Variants in SLC25A27 observed in about 807,000 individuals in gnomAD.
The protein encoded by SLC25A27 is solute carrier family 25 member 27, also known as mitochondrial uncoupling protein 4.
A neutral mutation model predicts 49.1 loss-of-function variants in SLC25A27; 35 were observed. The ratio of observed to expected loss-of-function variants is 0.71; its 90% CI spans 0.54 to 0.95. The LOEUF (loss-of-function observed/expected upper bound fraction) is 0.95. SLC25A27 is among the 40% of genes least tolerant of loss of function. The pLI is 0.00. For synonymous variants in SLC25A27, 144 were observed against 136.9 expected, an observed-to-expected ratio of 1.05 and a Z score of -0.36; for missense variants, 339 against 397.1, an observed-to-expected ratio of 0.85 and a Z score of 1.24.
intron 1 of SLC25A27, among the ~76,000 whole-genome samples, chr6:46,655,529 ATGTTTGTTTTTTTTTTTTTTTTTTT>A (rs1762942509): frequency 1.4e-4 from 5 of 35,750 alleles, no homozygotes; most frequent in East Asian, 1.2e-3. Context: ...TTTATTGTTA[ATGTTTGTTTTTTTTTTTTTTTTTTT>A]TTTTTTTTTT....
intron 7 of SLC25A27, 151 bp from the exon 8 acceptor site, chr6:46,670,975 C>T: frequency 7.8e-6 from 4 of 516,078 alleles, no homozygotes; most frequent in Non-Finnish European, 3.4e-6. Context: ...CATGATCTGC[C>T]TGCCTCGGCC....
At chr6:46,667,342 G>C (rs1463261727) in intron 5 of SLC25A27, among the ~76,000 whole-genome samples, 1 of 152,194 alleles carries the variant, frequency 6.6e-6, no homozygotes, top group Admixed American at 6.5e-5. Context: ...TGGGATTACT[G>C]CTCTGCCTTG....
Position 46,676,769 on chromosome 6 carries a change from T to C in SLC25A27, c.*315T>C. On this transcript the variant is annotated 3_prime_UTR_variant, in exon 9 of 9. Transcript: ENST00000371347. ...GTTTGGCCTTTGAGTTGCTATTCTA[T>C]GCTGAAGAGCCTGCTTAGAGGAGGA... 8.1e-7 allele frequency: 1 copy of C among 1,229,038 alleles called. No homozygotes were observed. The highest frequency in any genetic ancestry group is 1.2e-6 in the Non-Finnish European group (1 of 854,472). The allele number at this position is 1,229,038 out of a possible 1,614,324, so 76.1% of individuals were successfully genotyped here. A position where few individuals can be genotyped will look rare whatever the true frequency, so the allele number is the denominator to read the frequency against.
chr6:46,665,038 G>C, intron 5 of SLC25A27, 152 bp downstream of exon 5: 1 of 452,232 alleles, frequency 2.2e-6, no homozygotes, highest in South Asian at 5.3e-5. Context: ...GGTCATAACT[G>C]AATATTTTCC....
rs191779660 is a variant in SLC25A27, at chr6:46,670,941, A to T, written c.798-185A>T. On this transcript the variant is annotated intron_variant, in intron 7 of 8. Coordinates refer to ENST00000371347, the MANE Select transcript of SLC25A27 (RefSeq NM_004277.5). ...GAGATGGGGTTTCACCGTGTTAGCC[A>T]GGATGACCTCCATCTCCTGACCTCA... Among the ~76,000 whole-genome samples the T allele has an allele frequency of 6.6e-5, 10 of 152,276 alleles. No individual in the cohort carries two copies. The East Asian group carries it at 1.9e-3, about 29-fold the overall frequency.
At chr6:46,660,826 C>A (rs907396975) in intron 3 of SLC25A27, among the ~76,000 whole-genome samples, 3 of 152,122 alleles carry the variant, frequency 2.0e-5, no homozygotes, top group Admixed American at 1.3e-4. Flanking sequence ...ATTGCTTTCC[C>A]AGAGTCAATT....
In SLC25A27 at chr6:46,662,328, T is replaced by C; in HGVS notation, c.384-48T>C. On this transcript the variant is annotated intron_variant, in intron 3 of 8. Coordinates refer to ENST00000371347, the MANE Select transcript of SLC25A27 (RefSeq NM_004277.5). ...AGCTCAGTATTGGTTCACTATAAAA[T>C]TCGTGAAATTAATGGCAACTTTAAA... 1.9e-6 allele frequency: 3 copies of C among 1,581,560 alleles called. No homozygotes were observed. In the South Asian group the frequency reaches 3.3e-5, roughly 18 times the overall value.
chr6:46,665,650 T>TA (rs1763302456), intron 5 of SLC25A27, among the ~76,000 whole-genome samples: 2 of 151,892 alleles, frequency 1.3e-5, no homozygotes, highest in Admixed American at 1.3e-4. Flanking sequence ...CGCGCCACTG[T>TA]ACTCTAGACT....
intron 1 of SLC25A27, chr6:46,653,841 G>T (rs934521249): frequency 3.0e-6 from 3 of 985,156 alleles, no homozygotes; most frequent in African/African-American, 1.7e-5. Context: ...ATATATGATT[G>T]CTAAACCCAA....
rs1233662100 is a variant in SLC25A27, at chr6:46,678,029, A to ATT, written c.*1576_*1577dup. The ATT allele has an allele frequency of 9.2e-5, 4 of 43,520 alleles. No individual in the cohort carries two copies. Among genetic ancestry groups the ATT allele is most frequent in the African/African-American group, 3.7e-4 (4 of 10,688 alleles). 2.7% of individuals were successfully genotyped at this position (43,520 alleles called of 1,614,324 possible). On this transcript the variant is annotated 3_prime_UTR_variant, in exon 9 of 9. Coordinates refer to ENST00000371347, the MANE Select transcript of SLC25A27 (RefSeq NM_004277.5). ...TCAATATGTAATTGCGTTGTAAAAT[A>ATT]TTATATATATATATATATATATATA...
intron 7 of SLC25A27, 58 bp from the exon 8 acceptor site, chr6:46,671,068 T>A: frequency 8.7e-7 from 1 of 1,151,968 alleles, no homozygotes; most frequent in Non-Finnish European, 1.3e-6. Context: ...ACAATTTTTA[T>A]GTACATATAT....
Position 46,662,245 on chromosome 6 carries a change from T to TA in SLC25A27, c.384-130dup, listed in dbSNP as rs1222966905. On this transcript the variant is annotated intron_variant, in intron 3 of 8. Transcript: ENST00000371347. ...AAACTGTTTACTTTACTCTGTGACT[T>TA]ACTTGGGTATATCCTTTTCTTTACT... The TA allele has an allele frequency of 5.5e-6, 4 of 729,144 alleles. No homozygotes were observed. The East Asian group carries it at 1.1e-4, about 20-fold the overall frequency. 45.2% of individuals were successfully genotyped at this position (729,144 alleles called of 1,614,324 possible). A position where few individuals can be genotyped will look rare whatever the true frequency, so the allele number is the denominator to read the frequency against.
At chr6:46,660,238 G>GTGTGTGTGTGTGTC (rs1490175741) in intron 3 of SLC25A27, among the ~76,000 whole-genome samples, 2 of 151,832 alleles carry the variant, frequency 1.3e-5, no homozygotes, top group Non-Finnish European at 2.9e-5. Flanking sequence ...GTCTGTGTGT[G>GTGTGTGTGTGTGTC]TGTGTGTGTG....
rs75294503 is a variant in SLC25A27 at position 46,658,394 on chromosome 6, G to C, written c.299-568G>C. The C allele has an allele frequency of 8.9e-4, 266 of 299,188 alleles. 1 individual carries two copies. Among genetic ancestry groups the C allele is most frequent in the African/African-American group, 5.7e-3 (250 of 43,918 alleles). 18.5% of individuals were successfully genotyped at this position (299,188 alleles called of 1,614,324 possible). A position where few individuals can be genotyped will look rare whatever the true frequency, so the allele number is the denominator to read the frequency against. ...TATTATTTTGAGTTTCTTTTCATTT[G>C]TAGTTTGTTGTTCATTGTGTTGTTT... is the stretch of plus-strand genomic sequence containing the variant. On this transcript the variant is annotated intron_variant, in intron 2 of 8. Coordinates refer to ENST00000371347, the MANE Select transcript of SLC25A27 (RefSeq NM_004277.5).
rs193160039 is a variant in SLC25A27 at position 46,656,443 on chromosome 6, T to G, written c.298+409T>G. Among the ~76,000 whole-genome samples the G allele has an allele frequency of 7.2e-5, 11 of 152,058 alleles. No homozygotes were observed. In the East Asian group the frequency reaches 1.6e-3, roughly 21 times the overall value. ...TCACTGCAACCTTTGTCTCCCGAGT[T>G]CAAGCGATTCTCCTGCCTCAGCCTC... On this transcript the variant is annotated intron_variant, in intron 2 of 8. Coordinates refer to ENST00000371347, the MANE Select transcript of SLC25A27 (RefSeq NM_004277.5).
chr6:46,673,563 C>T (rs952632719), intron 8 of SLC25A27, among the ~76,000 whole-genome samples: 2 of 152,110 alleles, frequency 1.3e-5, no homozygotes, highest in African/African-American at 4.8e-5. Context: ...CATCAATAGG[C>T]GTTTGTCAAG....
chr6:46,661,876 A>G (rs757416894), intron 3 of SLC25A27, among the ~76,000 whole-genome samples: 1 of 152,212 alleles, frequency 6.6e-6, no homozygotes, highest in Non-Finnish European at 1.5e-5. Flanking sequence ...TGATTGCTTC[A>G]CTGGAGGGGA....
At chr6:46,668,624 C>G in intron 5 of SLC25A27, 85 bp from the exon 6 acceptor site, 1 of 771,840 alleles carries the variant, frequency 1.3e-6, no homozygotes, top group Non-Finnish European at 2.3e-6. Flanking sequence ...TCCTGGTACA[C>G]ATTCCTGCCC....
intron 1 of SLC25A27, among the ~76,000 whole-genome samples, chr6:46,655,265 A>G (rs914280036): frequency 6.6e-6 from 1 of 152,222 alleles, no homozygotes; most frequent in Admixed American, 6.5e-5. Context: ...TATGTCAGTC[A>G]TTCATCTGCA....
Sources: allele counts gnomAD v4.1 joint callset (sites outside exome capture counted in the v4.1 genomes callset), GRCh38; gene constraint gnomAD v4.1.1; transcripts MANE v1.5; gene names NCBI Gene and HGNC (gene_info 2026-07-23, HGNC 2026-07-21).